Variants in STARD13 observed in about 807,000 individuals in gnomAD.
STARD13 encodes the protein StAR related lipid transfer domain containing 13.
Under a neutral mutation model 106.4 loss-of-function variants are expected in STARD13, and 62 were observed. The observed-to-expected ratio is 0.58, with a 90% confidence interval of 0.48 to 0.72. The LOEUF is 0.72. Ranked by LOEUF, STARD13 falls within the 30% of genes least tolerant of loss-of-function variation. The pLI is 0.00. For missense variants in STARD13, 1,387 were observed against 1,424.0 expected (o/e 0.97, Z 0.42); for synonymous variants, 565 against 553.0 (o/e 1.02, Z -0.31).
At chr13:33,542,273 G>C in the STARD13 span, among the ~76,000 whole-genome samples, 1 of 152,158 alleles carries the variant, frequency 6.6e-6, no homozygotes, top group African/African-American at 2.4e-5. Context: ...GGGGAAGGCT[G>C]GGTCCATCTT....
At chr13:33,330,860 A>T (rs2077828300) in intron 1 of STARD13, among the ~76,000 whole-genome samples, 1 of 152,214 alleles carries the variant, frequency 6.6e-6, no homozygotes, top group South Asian at 2.1e-4. Flanking sequence ...CTAATTCAAC[A>T]AAAGCCTTCT....
chr13:33,606,322 T>C, the STARD13 span, among the ~76,000 whole-genome samples: 18,114 of 151,886 alleles, frequency 0.12, 1,588 homozygotes, highest in East Asian at 0.25. Flanking sequence ...AAAGAAAAAA[T>C]GCAATAATAA....
the STARD13 span, among the ~76,000 whole-genome samples, chr13:33,670,338 C>T: frequency 6.6e-6 from 1 of 152,178 alleles, no homozygotes; most frequent in African/African-American, 2.4e-5. Context: ...GCTAATGCAA[C>T]TAGGCAGATT....
chr13:33,306,629 A>C (rs1892914650), intron 1 of STARD13, among the ~76,000 whole-genome samples: 1 of 152,148 alleles, frequency 6.6e-6, no homozygotes, highest in Non-Finnish European at 1.5e-5. Context: ...ACAAATTTAC[A>C]AGAAAAAAAC....
chr13:33,183,073 T>C (rs1885401654), intron 1 of STARD13, among the ~76,000 whole-genome samples: 2 of 152,238 alleles, frequency 1.3e-5, no homozygotes, highest in Non-Finnish European at 2.9e-5. Flanking sequence ...TTTATCTCTA[T>C]CAAGATTTAG....
At chr13:33,354,950 T>TC (rs2138634395), upstream of STARD13, among the ~76,000 whole-genome samples, 1 of 152,202 alleles carries the variant, frequency 6.6e-6, no homozygotes, top group Admixed American at 6.5e-5. Context: ...TCATTTTTTT[T>TC]CACTAAGCAG....
chr13:33,270,106 G>A (rs1891085577), intron 1 of STARD13, among the ~76,000 whole-genome samples: 1 of 152,086 alleles, frequency 6.6e-6, no homozygotes, highest in Non-Finnish European at 1.5e-5. Context: ...CATGGTGGCA[G>A]GTGCCTGTAA....
chr13:33,543,702 C>T, the STARD13 span, among the ~76,000 whole-genome samples: 1 of 152,114 alleles, frequency 6.6e-6, no homozygotes, highest in African/African-American at 2.4e-5. Context: ...AAACAGATTG[C>T]TGGGCCTCAA....
the STARD13 span, among the ~76,000 whole-genome samples, chr13:33,468,784 C>G: frequency 6.6e-6 from 1 of 152,184 alleles, no homozygotes. Context: ...TGGACTAAGA[C>G]AGTAACCTTC....
chr13:33,378,081 G>A, the STARD13 span, among the ~76,000 whole-genome samples: 1 of 152,166 alleles, frequency 6.6e-6, no homozygotes, highest in Non-Finnish European at 1.5e-5. Flanking sequence ...TTATTTTAAA[G>A]GGGGGTCTCC....
chr13:33,143,471 G>T (rs1480856820), intron 3 of STARD13, among the ~76,000 whole-genome samples: 1 of 152,210 alleles, frequency 6.6e-6, no homozygotes, highest in Non-Finnish European at 1.5e-5. Flanking sequence ...ATTCAGCTTA[G>T]TTCCTGAGTA....
chr13:33,449,552 A>G, the STARD13 span, among the ~76,000 whole-genome samples: 5 of 152,168 alleles, frequency 3.3e-5, no homozygotes, highest in Admixed American at 3.3e-4. Context: ...CACCAGGTTT[A>G]TTCTTTTTGC....
the STARD13 span, among the ~76,000 whole-genome samples, chr13:33,650,059 G>A: frequency 6.7e-6 from 1 of 149,318 alleles, no homozygotes; most frequent in African/African-American, 2.5e-5. Context: ...GAAACAAACC[G>A]CAGCCTCAAC....
the STARD13 span, among the ~76,000 whole-genome samples, chr13:33,432,435 A>C: frequency 1.1e-4 from 16 of 152,164 alleles, no homozygotes; most frequent in Admixed American, 2.6e-4. Context: ...CACATTCTCA[A>C]CAGGACAATT....
the STARD13 span, chr13:33,439,774 G>T: frequency 2.1e-6 from 2 of 973,604 alleles, no homozygotes; most frequent in Admixed American, 5.1e-5. Flanking sequence ...TACCACTTTT[G>T]TGAAGAATAT....
chr13:33,343,969 A>T (rs1333954422), downstream of STARD13, among the ~76,000 whole-genome samples: 1 of 152,012 alleles, frequency 6.6e-6, no homozygotes, highest in Non-Finnish European at 1.5e-5. Context: ...CTGTGATAGG[A>T]CAAGTTCCTT....
In STARD13 at chr13:33,241,893, C is replaced by T. The variant is rs1889530550; in HGVS notation, c.169+43577G>A. ...ATGGCCTGATCTAGGCTCACTACAA[C>T]CTCCACCTCCCAGCCGCCTGCCTTG... On this transcript the variant is annotated intron_variant, in intron 1 of 13. Transcript: ENST00000336934. Among the ~76,000 whole-genome samples, 3 of 152,314 alleles carry T rather than the reference C, an allele frequency of 2.0e-5. No homozygotes were observed. In the South Asian group the frequency reaches 6.2e-4, roughly 32 times the overall value.
chr13:33,205,647 C>T (rs562548521), intron 1 of STARD13, among the ~76,000 whole-genome samples: 261 of 152,286 alleles, frequency 1.7e-3, no homozygotes, highest in Non-Finnish European at 2.9e-3. Flanking sequence ...GCCAAAATGA[C>T]AGTCACTGCT....
intron 1 of STARD13, among the ~76,000 whole-genome samples, chr13:33,217,107 T>C (rs1273089369): frequency 6.6e-6 from 1 of 152,188 alleles, no homozygotes; most frequent in Non-Finnish European, 1.5e-5. Context: ...ATAAACCCTA[T>C]GTCTCGTTGG....
Sources: gnomAD v4.1 joint callset for allele counts (sites outside exome capture counted in the v4.1 genomes callset) on GRCh38, gnomAD v4.1.1 for gene constraint, MANE v1.5 for transcripts, NCBI Gene and HGNC (gene_info 2026-07-23, HGNC 2026-07-21) for gene names.